PCDHGB1: variants seen among roughly 807,000 people sequenced by gnomAD.
The protein encoded by PCDHGB1 is protocadherin gamma-B1.
In PCDHGB1, 34 loss-of-function variants were observed where a neutral mutation model predicts 56.6. That is an observed-to-expected ratio of 0.60 (90% CI 0.46 to 0.80). PCDHGB1 has a LOEUF of 0.80. Among genes scored for constraint, PCDHGB1 ranks in the 30% least tolerant of loss-of-function variants. PCDHGB1 has a pLI of 0.00. For synonymous variants in PCDHGB1, 561 were observed against 505.9 expected (o/e 1.11, Z -1.46); for missense variants, 1,278 against 1,204.6 (o/e 1.06, Z -0.90).
intron 1 of PCDHGB1, chr5:141,372,011 G>C (rs759270061): frequency 6.2e-7 from 1 of 1,613,176 alleles, no homozygotes; most frequent in Non-Finnish European, 8.5e-7. Context: ...ACCAGGGCTC[G>C]CCTACGCTCA....
At chr5:141,381,986 C>A (rs1360595056) in intron 1 of PCDHGB1, among the ~76,000 whole-genome samples, 1 of 151,810 alleles carries the variant, frequency 6.6e-6, no homozygotes, top group East Asian at 1.9e-4. Flanking sequence ...CGCGCCACCA[C>A]GCCCGGATAA....
intron 1 of PCDHGB1, chr5:141,394,857 G>A: frequency 6.2e-7 from 1 of 1,613,832 alleles, no homozygotes; most frequent in Non-Finnish European, 8.5e-7. Context: ...GAAGCCTTCG[G>A]TCGACCCGAA....
chr5:141,351,356 A>G lies in PCDHGB1; in HGVS notation c.1096A>G (p.Lys366Glu), dbSNP rs761700091. Residue 366 changes from lysine to glutamate, a missense_variant, in exon 1 of 4, where the codon AAA becomes GAA. Lys to Glu is a moderately conservative substitution (Grantham distance 56). Transcript: ENST00000523390. ...CCTTGGAACTGTAATAGCCCTCATA[A>G]AAGTGCGAGACAAGGATTCTGGGCA... ...SDLGTVIALI[K>E]VRDKDSGQNG... 1.9e-6 allele frequency: 3 copies of G among 1,613,212 alleles called. No individual in the cohort carries two copies. The highest frequency in any genetic ancestry group is 3.3e-5 in the Admixed American group (2 of 59,854).
Position 141,490,503 on chromosome 5 carries a change from C to A in PCDHGB1, c.2410-4304C>A, listed in dbSNP as rs2099701103. On this transcript the variant is annotated intron_variant, in intron 1 of 3. Coordinates refer to ENST00000523390, the MANE Select transcript of PCDHGB1 (RefSeq NM_018922.3). The surrounding 1 kb of genome is among the most constrained non-coding windows in gnomAD (Gnocchi z 5.4). ...ACCGGGAGGCCACATCCCACTATAT[C>A]ATCGAGCTGCTGGCCAGCGATGCTG... 3.7e-6 allele frequency: 6 copies of A among 1,614,206 alleles called. No individual in the cohort carries two copies. In the African/African-American group the frequency reaches 8.0e-5, roughly 22 times the overall value.
At chr5:141,375,743 G>T (rs1306571091) in intron 1 of PCDHGB1, 1 of 1,614,120 alleles carries the variant, frequency 6.2e-7, no homozygotes, top group African/African-American at 1.3e-5. Flanking sequence ...GTTTGTGCTG[G>T]ACCAGAATGA....
intron 1 of PCDHGB1, among the ~76,000 whole-genome samples, chr5:141,457,665 G>A (rs2098927092): frequency 6.6e-6 from 1 of 152,330 alleles, no homozygotes; most frequent in Non-Finnish European, 1.5e-5. Flanking sequence ...AGCAAGAATG[G>A]TTATTTCTAC....
chr5:141,356,017 GC>G, intron 1 of PCDHGB1: 1 of 1,613,934 alleles, frequency 6.2e-7, no homozygotes, highest in Non-Finnish European at 8.5e-7. Context: ...AGATGAAGGA[GC>G]CAATGGAGAC....
chr5:141,464,208 T>G (rs915798868), intron 1 of PCDHGB1, among the ~76,000 whole-genome samples: 1 of 148,120 alleles, frequency 6.8e-6, no homozygotes, highest in Admixed American at 6.9e-5. Context: ...GAGATTGCAG[T>G]GAGCTGAGAT....
chr5:141,490,454 CG>C lies in PCDHGB1; in HGVS notation c.2410-4352del. ...ATTAAGCCTTCTGAGAACCACTACT[CG>C]CTGCTAACCAGCCAGCCTTTGGACC... On this transcript the variant is annotated intron_variant, in intron 1 of 3. Coordinates refer to ENST00000523390, the MANE Select transcript of PCDHGB1 (RefSeq NM_018922.3). This position sits in a 1 kb window ranked among gnomAD's most constrained non-coding sequence, Gnocchi z 5.4. The C allele has an allele frequency of 1.2e-6, 2 of 1,614,176 alleles. No individual in the cohort carries two copies. Among genetic ancestry groups the C allele is most frequent in the Non-Finnish European group, 1.7e-6 (2 of 1,180,020 alleles).
intron 1 of PCDHGB1, chr5:141,399,528 C>A: frequency 6.2e-7 from 1 of 1,614,046 alleles, no homozygotes; most frequent in Non-Finnish European, 8.5e-7. Flanking sequence ...GGGCCTCCAT[C>A]GCGCAAGTCT....
At chr5:141,382,378 C>T (rs1160680038) in intron 1 of PCDHGB1, among the ~76,000 whole-genome samples, 1 of 152,098 alleles carries the variant, frequency 6.6e-6, no homozygotes, top group Non-Finnish European at 1.5e-5. Flanking sequence ...TTTTTGCCTT[C>T]AATAACTGAT....
At chr5:141,456,702 C>T (rs1185842343) in intron 1 of PCDHGB1, among the ~76,000 whole-genome samples, 1 of 152,062 alleles carries the variant, frequency 6.6e-6, no homozygotes, top group Non-Finnish European at 1.5e-5. Flanking sequence ...TGGTGGCTCG[C>T]GCCTGTAATC....
intron 1 of PCDHGB1, chr5:141,371,397 A>G: frequency 6.2e-7 from 1 of 1,614,004 alleles, no homozygotes; most frequent in Non-Finnish European, 8.5e-7. Flanking sequence ...TAAAGTACAG[A>G]TAGATATTTC....
chr5:141,395,439 A>G, intron 1 of PCDHGB1: 1 of 679,568 alleles, frequency 1.5e-6, no homozygotes, highest in Non-Finnish European at 2.3e-6. Context: ...AACGACTTGG[A>G]AAAGATTGTT....
Position 141,477,934 on chromosome 5 carries a change from C to T in PCDHGB1, c.2410-16873C>T. Reference sequence around the variant, plus strand: ...CGGATGCAGGGCACAATGCCTGGCTCTCCTACAGTCTCTTGGGATCCCCTA... The same window carrying T: ...CGGATGCAGGGCACAATGCCTGGCTTTCCTACAGTCTCTTGGGATCCCCTA... On this transcript the variant is annotated intron_variant, in intron 1 of 3. Coordinates refer to ENST00000523390, the MANE Select transcript of PCDHGB1 (RefSeq NM_018922.3). This position sits in a 1 kb window ranked among gnomAD's most constrained non-coding sequence, Gnocchi z 4.9. 3.1e-6 allele frequency: 5 copies of T among 1,614,204 alleles called. No individual in the cohort carries two copies. The highest frequency in any genetic ancestry group is 4.2e-6 in the Non-Finnish European group (5 of 1,180,036).
At chr5:141,379,835 A>G (rs898204627) in intron 1 of PCDHGB1, among the ~76,000 whole-genome samples, 9 of 143,642 alleles carry the variant, frequency 6.3e-5, no homozygotes, top group Non-Finnish European at 3.1e-5. Context: ...AAGCATCAGG[A>G]AAAAAAACTA....
intron 1 of PCDHGB1, chr5:141,375,591 C>T (rs1177848611): frequency 6.2e-7 from 1 of 1,614,194 alleles, no homozygotes; most frequent in East Asian, 2.2e-5. Flanking sequence ...CCCCTGTCCT[C>T]CTACGTGTCC....
intron 1 of PCDHGB1, chr5:141,422,641 A>G (rs557969590): frequency 1.2e-6 from 2 of 1,612,356 alleles, no homozygotes; most frequent in Admixed American, 1.7e-5. Context: ...GGGTGCCTCC[A>G]TCTTCTCAGT....
intron 1 of PCDHGB1, among the ~76,000 whole-genome samples, chr5:141,467,395 G>A (rs1197131223): frequency 6.6e-6 from 1 of 152,056 alleles, no homozygotes; most frequent in African/African-American, 2.4e-5. Flanking sequence ...TTAAGTCATA[G>A]TTAGAAAGCC....
Sources: gnomAD v4.1 joint callset for allele counts (sites outside exome capture counted in the v4.1 genomes callset) on GRCh38, gnomAD v4.1.1 for gene constraint, Gnocchi (gnomAD v3.1) non-coding constraint, MANE v1.5 for transcripts, NCBI Gene and HGNC (gene_info 2026-07-23, HGNC 2026-07-21) for gene names.